Variants in DDX60 observed in about 807,000 individuals in gnomAD.
The protein encoded by DDX60 is DExD/H-box helicase 60, also known as probable ATP-dependent RNA helicase DDX60.
Under a neutral mutation model 212.8 loss-of-function variants are expected in DDX60, and 165 were observed. That is an observed-to-expected ratio of 0.78 (90% CI 0.68 to 0.88). The LOEUF (loss-of-function observed/expected upper bound fraction) is 0.88. DDX60 is among the 40% of genes least tolerant of loss of function. The pLI, the probability that DDX60 is intolerant of heterozygous loss-of-function variation, is 0.00. For synonymous variants in DDX60, 703 were observed against 685.3 expected (o/e 1.03, Z -0.40); for missense variants, 1,905 against 2,003.9 (o/e 0.95, Z 0.94).
In DDX60 at chr4:168,272,042, C is replaced by T. The variant is rs137953561; in HGVS notation, c.2670+1G>A. ...AAGCAAAGAAAGAACACCAAACCTA[C>T]CTCATCAAATATAACATATCTGATC... On this transcript the variant is annotated splice_donor_variant, in intron 19 of 37. Coordinates refer to ENST00000393743, the MANE Select transcript of DDX60 (RefSeq NM_017631.6). LOFTEE classifies it high-confidence loss of function. 35 of 1,571,998 alleles carry T rather than the reference C, an allele frequency of 2.2e-5. No homozygotes were observed. In the Middle Eastern group the frequency reaches 8.5e-4, roughly 38 times the overall value.
At position 168,268,973 on chromosome 4, in the gene DDX60, T is replaced by C. The variant is rs1238089332; in HGVS notation, c.2671-4A>G. The C allele has an allele frequency of 6.9e-7, 1 of 1,447,628 alleles. No individual in the cohort carries two copies. The highest frequency in any genetic ancestry group is 9.2e-7 in the Non-Finnish European group (1 of 1,088,478). The allele number at this position is 1,447,628 out of a possible 1,614,324, so 89.7% of individuals were successfully genotyped here. ...TTTCTCCACCAAGACAATGAACCTA[T>C]TAAACAAAAAAAAAAAAATCTCAAC... On this transcript the variant is annotated splice_region_variant and splice_polypyrimidine_tract_variant and intron_variant, in intron 19 of 37. Coordinates refer to ENST00000393743, the MANE Select transcript of DDX60 (RefSeq NM_017631.6).
intron 14 of DDX60, among the ~76,000 whole-genome samples, chr4:168,279,723 T>A (rs775492923): frequency 5.3e-5 from 8 of 152,180 alleles, no homozygotes; most frequent in Admixed American, 1.3e-4. Context: ...TGAAACAACA[T>A]ATTGAAGTTC....
In DDX60 at chr4:168,237,277, C is replaced by T; in HGVS notation, c.4411+9G>A. Reference sequence around the variant, plus strand: ...CTCTCTACATATATATATAAAATCTCAAGCTTACCTTTCCTGGTTGGCTGA... The same window carrying T: ...CTCTCTACATATATATATAAAATCTTAAGCTTACCTTTCCTGGTTGGCTGA... On this transcript the variant is annotated intron_variant, in intron 32 of 37. Coordinates refer to ENST00000393743, the MANE Select transcript of DDX60 (RefSeq NM_017631.6). 1 of 1,511,238 alleles carries T rather than the reference C, an allele frequency of 6.6e-7. No homozygotes were observed. The allele number at this position is 1,511,238 out of a possible 1,614,324, so 93.6% of individuals were successfully genotyped here. A position where few individuals can be genotyped will look rare whatever the true frequency, so the allele number is the denominator to read the frequency against.
chr4:168,265,925 C>T (rs1335724212), intron 22 of DDX60, among the ~76,000 whole-genome samples: 2 of 151,236 alleles, frequency 1.3e-5, no homozygotes, highest in Admixed American at 1.3e-4. Context: ...AATAAAGTGC[C>T]TTTTATTCTT....
At chr4:168,246,361 T>C in intron 30 of DDX60, 57 bp downstream of exon 30, 3 of 1,606,082 alleles carry the variant, frequency 1.9e-6, no homozygotes, top group Middle Eastern at 2.0e-4. Flanking sequence ...ACAGCAGACC[T>C]GACTAAAGTC....
chr4:168,273,227 A>G (rs760736842), intron 18 of DDX60, 52 bp downstream of exon 18: 23 of 1,545,930 alleles, frequency 1.5e-5, no homozygotes, highest in Non-Finnish European at 1.9e-5. Flanking sequence ...AAAGAGACAT[A>G]CAAGTACAGT....
rs1043838194 is a variant in DDX60, at chr4:168,300,489, G to A, written c.723+1811C>T. ...TGGGAGGTGGATGTTGCAATGAGCC[G>A]AGATCATGCCACTGCACTCCAACCT... is the stretch of plus-strand genomic sequence containing the variant. On this transcript the variant is annotated intron_variant, in intron 6 of 37. Transcript: ENST00000393743. 4.0e-5 allele frequency among the ~76,000 whole-genome samples: 6 copies of A among 151,898 alleles called. No individual in the cohort carries two copies. The East Asian group carries it at 5.8e-4, about 15-fold the overall frequency.
At chr4:168,292,618 T>C (rs1433536155) in intron 7 of DDX60, among the ~76,000 whole-genome samples, 1 of 152,194 alleles carries the variant, frequency 6.6e-6, no homozygotes, top group Non-Finnish European at 1.5e-5. Context: ...TTTTAAATAA[T>C]ATTGAAAATT....
At chr4:168,303,717 C>T (rs1560876282) in intron 5 of DDX60, among the ~76,000 whole-genome samples, 2 of 152,192 alleles carry the variant, frequency 1.3e-5, no homozygotes, top group Non-Finnish European at 2.9e-5. Context: ...GGCGTGGTGG[C>T]TCACGTCTGT....
intron 1 of DDX60, among the ~76,000 whole-genome samples, chr4:168,315,473 T>C (rs926692687): frequency 6.6e-6 from 1 of 152,220 alleles, no homozygotes; most frequent in Non-Finnish European, 1.5e-5. Flanking sequence ...GTTTGTTACA[T>C]AGATATACAT....
At chr4:168,318,870 C>T (rs977971175), upstream of DDX60, 2 of 152,230 alleles carry the variant, frequency 1.3e-5, no homozygotes, top group African/African-American at 4.8e-5. Flanking sequence ...GAGGCACTTT[C>T]GTGGAAAGTT....
At position 168,275,516 on chromosome 4, in the gene DDX60, A is replaced by G. The variant is rs751871932; in HGVS notation, c.2146-13T>C. ...CATTTTCTGCATCCTGCATTATTTTAAAAGTCCATTTTGAAAATGACATTG... is the reference window on the plus strand; with the variant it reads ...CATTTTCTGCATCCTGCATTATTTTGAAAGTCCATTTTGAAAATGACATTG... On this transcript the variant is annotated splice_polypyrimidine_tract_variant and intron_variant, in intron 15 of 37. Coordinates refer to ENST00000393743, the MANE Select transcript of DDX60 (RefSeq NM_017631.6). 16 of 1,575,368 alleles carry G rather than the reference A, an allele frequency of 1.0e-5. No homozygotes were observed. The East Asian group carries it at 3.4e-4, about 33-fold the overall frequency.
At chr4:168,288,365 T>A (rs748602654) in intron 8 of DDX60, 50 bp from the exon 9 acceptor site, 1 of 1,295,498 alleles carries the variant, frequency 7.7e-7, no homozygotes, top group African/African-American at 1.5e-5. Flanking sequence ...ATATTAGCAA[T>A]AAACTATAGG....
At chr4:168,303,205 G>A (rs1195876354) in intron 5 of DDX60, among the ~76,000 whole-genome samples, 1 of 151,720 alleles carries the variant, frequency 6.6e-6, no homozygotes, top group East Asian at 1.9e-4. Flanking sequence ...AGGAGGCTGA[G>A]GTAGGAGAAT....
chr4:168,304,989 A>G (rs1188452569), intron 5 of DDX60, among the ~76,000 whole-genome samples: 1 of 152,142 alleles, frequency 6.6e-6, no homozygotes, highest in Non-Finnish European at 1.5e-5. Context: ...AGCTCCATTC[A>G]TGGTAAGTAC....
At chr4:168,275,766 A>T (rs1022950376) in intron 15 of DDX60, among the ~76,000 whole-genome samples, 1 of 152,204 alleles carries the variant, frequency 6.6e-6, no homozygotes, top group African/African-American at 2.4e-5. Context: ...TTTTGCTAGA[A>T]TTAAGTGCAG....
chr4:168,295,025 A>G (rs1188885781), intron 6 of DDX60, among the ~76,000 whole-genome samples: 2 of 152,210 alleles, frequency 1.3e-5, no homozygotes, highest in Admixed American at 1.3e-4. Flanking sequence ...TAAAACTACA[A>G]TGAGATATCA....
intron 6 of DDX60, among the ~76,000 whole-genome samples, chr4:168,297,297 C>CAAAGAAAA (rs1491399857): frequency 2.1e-4 from 14 of 67,474 alleles, no homozygotes; most frequent in African/African-American, 8.6e-4. Context: ...GAGAGAGAGA[C>CAAAGAAAA]GAAAGAAAGA....
In DDX60 at chr4:168,280,352, T is replaced by A; in HGVS notation, c.1961A>T (p.His654Leu). The change falls in exon 14 of 38, where the codon CAT (histidine) becomes CTT (leucine). Residue 654 changes from histidine to leucine, a missense_variant. By Grantham distance (99) the His-to-Leu change is moderately conservative (BLOSUM62 -3). Coordinates refer to ENST00000393743, the MANE Select transcript of DDX60 (RefSeq NM_017631.6). ...TTACATACCTTCTTCACTTCGGCAATGTTCTTTCCAGGCTTTCAAGCAAGC... is the reference window on the plus strand; with the variant it reads ...TTACATACCTTCTTCACTTCGGCAAAGTTCTTTCCAGGCTTTCAAGCAAGC... The part of the protein sequence containing the change: ...LTACLKAWKE[H>L]CRSEEGKTTK... 1 of 1,612,056 alleles carries A rather than the reference T, an allele frequency of 6.2e-7. No individual in the cohort carries two copies. Among genetic ancestry groups the A allele is most frequent in the Non-Finnish European group, 8.5e-7 (1 of 1,179,188 alleles).
Sources: gnomAD v4.1 joint callset for allele counts (sites outside exome capture counted in the v4.1 genomes callset) on GRCh38, gnomAD v4.1.1 for gene constraint, MANE v1.5 for transcripts, NCBI Gene and HGNC (gene_info 2026-07-23, HGNC 2026-07-21) for gene names.